KIF26B: variants seen among roughly 807,000 people sequenced by gnomAD.
KIF26B encodes kinesin-like protein KIF26B.
In KIF26B, 63 loss-of-function variants were observed where a neutral mutation model predicts 151.2. The ratio of observed to expected loss-of-function variants is 0.42; its 90% CI spans 0.34 to 0.51. The LOEUF is 0.51. KIF26B is among the 20% of genes least tolerant of loss of function. KIF26B has a pLI of 0.07. For missense variants in KIF26B, 2,813 were observed against 2,913.6 expected, an observed-to-expected ratio of 0.97 and a Z score of 0.79; for synonymous variants, 1,357 against 1,262.1, an observed-to-expected ratio of 1.08 and a Z score of -1.59.
At chr1:245,172,289 G>C (rs893285739) in intron 2 of KIF26B, among the ~76,000 whole-genome samples, 2 of 152,142 alleles carry the variant, frequency 1.3e-5, no homozygotes, top group South Asian at 4.1e-4. Flanking sequence ...GCATGGCTCC[G>C]GGCTGCTGGA....
intron 3 of KIF26B, among the ~76,000 whole-genome samples, chr1:245,373,607 A>T (rs933151554): frequency 6.6e-6 from 1 of 152,168 alleles, no homozygotes; most frequent in African/African-American, 2.4e-5. Context: ...AATGCTCTTG[A>T]TACAATTTTT....
At chr1:245,548,444 A>T (rs965693405) in intron 5 of KIF26B, among the ~76,000 whole-genome samples, 1 of 152,210 alleles carries the variant, frequency 6.6e-6, no homozygotes, top group Non-Finnish European at 1.5e-5. Context: ...TGCTCTTCCC[A>T]GGGTGCGAGT....
chr1:245,177,233 G>A (rs1668823663), intron 2 of KIF26B, among the ~76,000 whole-genome samples: 1 of 152,220 alleles, frequency 6.6e-6, no homozygotes, highest in Admixed American at 6.5e-5. Flanking sequence ...TTATAGGTAT[G>A]AGTCACTACA....
chr1:245,641,877 TATG>T (rs937930546), intron 9 of KIF26B, among the ~76,000 whole-genome samples: 1 of 151,484 alleles, frequency 6.6e-6, no homozygotes, highest in South Asian at 2.1e-4. Flanking sequence ...ACGCTTGAAG[TATG>T]ATGATATCTA....
At chr1:245,676,706 A>G (rs2044360631) in intron 10 of KIF26B, among the ~76,000 whole-genome samples, 1 of 152,222 alleles carries the variant, frequency 6.6e-6, no homozygotes, top group African/African-American at 2.4e-5. Context: ...AAATCATAAC[A>G]GAGACTTGTT....
At chr1:245,214,261 C>T (rs968886939) in intron 2 of KIF26B, 1 of 151,554 alleles carries the variant, frequency 6.6e-6, no homozygotes, top group Non-Finnish European at 1.5e-5. Context: ...CCTGTAATCC[C>T]AGCTCCCTGG....
intron 2 of KIF26B, among the ~76,000 whole-genome samples, chr1:245,234,991 G>A (rs1421568648): frequency 6.6e-6 from 1 of 152,150 alleles, no homozygotes; most frequent in Non-Finnish European, 1.5e-5. Flanking sequence ...GTCCGTGGGA[G>A]AGATCTGCTT....
intron 9 of KIF26B, among the ~76,000 whole-genome samples, chr1:245,613,758 C>G (rs1272591826): frequency 6.6e-6 from 1 of 152,220 alleles, no homozygotes; most frequent in Non-Finnish European, 1.5e-5. Flanking sequence ...GCCTCCCTTC[C>G]CCCACCTCGG....
At chr1:245,537,497 G>A (rs977892226) in intron 4 of KIF26B, among the ~76,000 whole-genome samples, 5 of 152,146 alleles carry the variant, frequency 3.3e-5, no homozygotes, top group Non-Finnish European at 5.9e-5. Context: ...GGTGGAGAGC[G>A]AGTACAGAAG....
chr1:245,455,837 C>G (rs1221532702), intron 4 of KIF26B, among the ~76,000 whole-genome samples: 2 of 152,164 alleles, frequency 1.3e-5, no homozygotes. Flanking sequence ...ACATGGCTGC[C>G]CAGTGGAGGA....
intron 3 of KIF26B, among the ~76,000 whole-genome samples, chr1:245,368,798 A>G (rs1313648159): frequency 6.6e-6 from 1 of 152,134 alleles, no homozygotes; most frequent in Non-Finnish European, 1.5e-5. Context: ...CCAGCTTTGC[A>G]TGGAAGTGAT....
At position 245,564,165 on chromosome 1, in the gene KIF26B, C is replaced by T. The variant is rs1378363080; in HGVS notation, c.1350+23215C>T. ...TGCAGCCACACTGAAGCCTCAATGT[C>T]CCCTAAACATTCCAGACCCTCTTGT... On this transcript the variant is annotated intron_variant, in intron 5 of 14. Transcript: ENST00000407071. The surrounding 1 kb of genome is among the most constrained non-coding windows in gnomAD (Gnocchi z 4.6). Among the ~76,000 whole-genome samples, 1 of 152,088 alleles carries T rather than the reference C, an allele frequency of 6.6e-6. No homozygotes were observed. The highest frequency in any genetic ancestry group is 2.4e-5 in the African/African-American group (1 of 41,406).
intron 9 of KIF26B, among the ~76,000 whole-genome samples, chr1:245,641,754 A>T (rs141452147): frequency 6.6e-6 from 1 of 152,132 alleles, no homozygotes; most frequent in African/African-American, 2.4e-5. Flanking sequence ...GAGCTTCCTT[A>T]AAACTGCTAT....
rs1296150764 is a variant in KIF26B, at chr1:245,600,284, C to T, written c.1351-2293C>T. On this transcript the variant is annotated intron_variant, in intron 5 of 14. Transcript: ENST00000407071. ...CTATCTCCTGACCTTGTGATCCGCC[C>T]GCCTCGGCCTCCCAAAGTGCTGGGA... Among the ~76,000 whole-genome samples, 38 of 137,158 alleles carry T rather than the reference C, an allele frequency of 2.8e-4. 1 individual carries two copies. The highest frequency in any genetic ancestry group is 3.7e-3 in the Middle Eastern group (1 of 268). 90.0% of individuals were successfully genotyped at this position (137,158 alleles called of 152,430 possible). A position where few individuals can be genotyped will look rare whatever the true frequency, so the allele number is the denominator to read the frequency against.
At chr1:245,214,930 C>G (rs1669614935) in intron 2 of KIF26B, among the ~76,000 whole-genome samples, 1 of 152,100 alleles carries the variant, frequency 6.6e-6, no homozygotes, top group Admixed American at 6.5e-5. Context: ...TGAGAGTAGT[C>G]AGAGTTAAGA....
chr1:245,468,288 G>A (rs1659838557), intron 4 of KIF26B, among the ~76,000 whole-genome samples: 1 of 152,054 alleles, frequency 6.6e-6, no homozygotes, highest in South Asian at 2.1e-4. Flanking sequence ...TTCCTTAATT[G>A]CTGACATGGA....
At chr1:245,175,910 C>CTA (rs1009426236) in intron 2 of KIF26B, among the ~76,000 whole-genome samples, 9 of 138,188 alleles carry the variant, frequency 6.5e-5, no homozygotes, top group Admixed American at 1.4e-4. Flanking sequence ...ACATATATAT[C>CTA]TATATCTATA....
chr1:245,662,046 G>A (rs1572185211), intron 10 of KIF26B, among the ~76,000 whole-genome samples: 1 of 137,506 alleles, frequency 7.3e-6, no homozygotes, highest in African/African-American at 2.8e-5. Context: ...CACACCCTAT[G>A]ATATACATAC....
chr1:245,201,418 G>A (rs1023518954), intron 2 of KIF26B, among the ~76,000 whole-genome samples: 4 of 152,200 alleles, frequency 2.6e-5, no homozygotes, highest in Non-Finnish European at 5.9e-5. Context: ...TTGTGACTGC[G>A]TTCTGAATGC....
Sources: allele counts gnomAD v4.1 joint callset (sites outside exome capture counted in the v4.1 genomes callset), GRCh38; gene constraint gnomAD v4.1.1; non-coding constraint Gnocchi (gnomAD v3.1); transcripts MANE v1.5; gene names NCBI Gene and HGNC (gene_info 2026-07-23, HGNC 2026-07-21).